The following CHODL variants were observed in gnomAD, a reference collection of about 807,000 sequenced individuals.
CHODL encodes transmembrane protein MT75.
Under a neutral mutation model 34.5 loss-of-function variants are expected in CHODL, and 29 were observed. The observed-to-expected ratio is 0.84, with a 90% CI of 0.63 to 1.15. The LOEUF (loss-of-function observed/expected upper bound fraction) is 1.15. CHODL is among the 50% of genes most tolerant of loss of function. The pLI is 0.00. For synonymous variants in CHODL, 125 were observed against 116.1 expected, an observed-to-expected ratio of 1.08 and a Z score of -0.49; for missense variants, 332 against 332.5, an observed-to-expected ratio of 1.00 and a Z score of 0.01.
chr21:18,010,757 A>G (rs2064011703), intron 1 of CHODL, among the ~76,000 whole-genome samples: 1 of 152,238 alleles, frequency 6.6e-6, no homozygotes, highest in African/African-American at 2.4e-5. Flanking sequence ...AGTTTTTAGG[A>G]AAGTCTGAAA....
chr21:18,182,450 A>T (rs1265321043), intron 2 of CHODL, among the ~76,000 whole-genome samples: 1 of 152,242 alleles, frequency 6.6e-6, no homozygotes, highest in Non-Finnish European at 1.5e-5. Context: ...TGATTGTGGT[A>T]ATCATTTCAG....
chr21:17,951,935 T>C (rs2063460511), intron 1 of CHODL, among the ~76,000 whole-genome samples: 2 of 152,020 alleles, frequency 1.3e-5, no homozygotes, highest in African/African-American at 4.8e-5. Flanking sequence ...TTATATGTCT[T>C]TAAAAATTTT....
intron 2 of CHODL, among the ~76,000 whole-genome samples, chr21:18,227,570 A>G (rs2073942055): frequency 6.6e-6 from 1 of 152,108 alleles, no homozygotes; most frequent in African/African-American, 2.4e-5. Flanking sequence ...TGGAAAGTCA[A>G]TTTGATTAGA....
At chr21:18,135,808 T>C (rs2072715052) in intron 2 of CHODL, among the ~76,000 whole-genome samples, 1 of 152,092 alleles carries the variant, frequency 6.6e-6, no homozygotes, top group African/African-American at 2.4e-5. Context: ...AGTGAATGTA[T>C]GGATAAATAA....
intron 1 of CHODL, among the ~76,000 whole-genome samples, chr21:17,997,204 G>C (rs1781102820): frequency 1.3e-5 from 2 of 152,072 alleles, no homozygotes; most frequent in South Asian, 4.2e-4. Flanking sequence ...TTGAATAACT[G>C]GTATGTCTAG....
At chr21:18,027,388 T>C (rs2064187870) in intron 1 of CHODL, among the ~76,000 whole-genome samples, 1 of 152,170 alleles carries the variant, frequency 6.6e-6, no homozygotes, top group African/African-American at 2.4e-5. Flanking sequence ...ATAATTCTCT[T>C]CTAATTATAG....
At chr21:18,229,825 G>A (rs923785550) in intron 2 of CHODL, among the ~76,000 whole-genome samples, 5 of 152,000 alleles carry the variant, frequency 3.3e-5, no homozygotes, top group Non-Finnish European at 7.4e-5. Context: ...TGTGATAATC[G>A]CTACATCATG....
chr21:18,129,435 G>T (rs1180064719), intron 2 of CHODL, among the ~76,000 whole-genome samples: 1 of 152,118 alleles, frequency 6.6e-6, no homozygotes, highest in African/African-American at 2.4e-5. Context: ...GCAGGTAGAG[G>T]GTTAGTGGGG....
At chr21:17,947,953 A>G (rs2063425481) in intron 1 of CHODL, among the ~76,000 whole-genome samples, 1 of 152,192 alleles carries the variant, frequency 6.6e-6, no homozygotes, top group African/African-American at 2.4e-5. Flanking sequence ...TATATATACT[A>G]TGGAATACTA....
intron 1 of CHODL, among the ~76,000 whole-genome samples, chr21:17,986,182 A>G (rs1417389673): frequency 6.6e-6 from 1 of 151,614 alleles, no homozygotes; most frequent in South Asian, 2.1e-4. Flanking sequence ...CATTTTTATT[A>G]TACTTTAAGT....
chr21:18,048,497 A>C (rs541100045), intron 2 of CHODL, among the ~76,000 whole-genome samples: 50 of 152,088 alleles, frequency 3.3e-4, no homozygotes, highest in African/African-American at 1.1e-3. Flanking sequence ...CCATGAATTT[A>C]GAAAATCATT....
At chr21:18,116,471 CTAT>C (rs1433758038) in intron 2 of CHODL, among the ~76,000 whole-genome samples, 1 of 152,296 alleles carries the variant, frequency 6.6e-6, no homozygotes, top group African/African-American at 2.4e-5. Flanking sequence ...GTTTGCATTG[CTAT>C]TATTCTAGTT....
chr21:18,198,954 T>C (rs567716844), intron 2 of CHODL, among the ~76,000 whole-genome samples: 11 of 152,250 alleles, frequency 7.2e-5, no homozygotes, highest in Non-Finnish European at 1.6e-4. Context: ...AGCATTTTGG[T>C]TTAAAAGTAA....
chr21:18,197,130 A>G (rs2073598098), intron 2 of CHODL, among the ~76,000 whole-genome samples: 1 of 152,166 alleles, frequency 6.6e-6, no homozygotes, highest in African/African-American at 2.4e-5. Flanking sequence ...TTTATTTGTC[A>G]ATTGCACCTC....
chr21:18,101,714 A>ATTT (rs71848643), intron 2 of CHODL, among the ~76,000 whole-genome samples: 56 of 144,870 alleles, frequency 3.9e-4, no homozygotes, highest in African/African-American at 1.3e-3. Context: ...CATTTACAAC[A>ATTT]TTTTTTTTTT....
At position 18,030,321 on chromosome 21, in the gene CHODL, G is replaced by A. The variant is rs77610073; in HGVS notation, c.-45+2350G>A. ...GGTTGCCAGTCCATGTCTGGACAACGAGCAGCATGGACCTGAGGTTTGTTA... is the reference window on the plus strand; with the variant it reads ...GGTTGCCAGTCCATGTCTGGACAACAAGCAGCATGGACCTGAGGTTTGTTA... On this transcript the variant is annotated intron_variant, in intron 2 of 6. Transcript: ENST00000400127. 6.6e-3 allele frequency among the ~76,000 whole-genome samples: 999 copies of A among 152,270 alleles called. 11 individuals are homozygous for A. Among genetic ancestry groups the A allele is most frequent in the African/African-American group, 0.023 (952 of 41,564 alleles).
chr21:18,015,186 G>A (rs2064060504), intron 1 of CHODL, among the ~76,000 whole-genome samples: 1 of 152,168 alleles, frequency 6.6e-6, no homozygotes, highest in South Asian at 2.1e-4. Flanking sequence ...TGTTGGAGGA[G>A]GGGTCTGATG....
chr21:18,113,211 C>T (rs2065372377), intron 2 of CHODL, among the ~76,000 whole-genome samples: 2 of 152,134 alleles, frequency 1.3e-5, no homozygotes, highest in South Asian at 4.1e-4. Context: ...ATTAAAACTA[C>T]AGTGAGATAT....
At chr21:18,169,473 C>A (rs931779123) in intron 2 of CHODL, among the ~76,000 whole-genome samples, 1 of 151,546 alleles carries the variant, frequency 6.6e-6, no homozygotes, top group Non-Finnish European at 1.5e-5. Flanking sequence ...ATCTTTATGC[C>A]AAGACCACAG....
Sources: allele counts gnomAD v4.1 joint callset (sites outside exome capture counted in the v4.1 genomes callset), GRCh38; gene constraint gnomAD v4.1.1; transcripts MANE v1.5; gene names NCBI Gene and HGNC (gene_info 2026-07-23, HGNC 2026-07-21).